The following STAT1 variants were observed in gnomAD, a reference collection of about 807,000 sequenced individuals.
STAT1 encodes the protein signal transducer and activator of transcription 1, also known as signal transducer and activator of transcription 1-alpha/beta.
STAT1 carries 24 observed loss-of-function variants against 111.7 expected under a neutral mutation model. The observed-to-expected ratio is 0.21, with a 90% CI of 0.16 to 0.30. The LOEUF (loss-of-function observed/expected upper bound fraction) is 0.30, where lower values mean the gene tolerates loss of function less well. Ranked by LOEUF, STAT1 falls within the 10% of genes least tolerant of loss-of-function variation. The probability of loss-of-function intolerance (pLI) is 1.00; values close to 1 mark genes in which losing one functional copy is unlikely to be tolerated. For missense variants in STAT1, 351 were observed against 911.9 expected (o/e 0.38, Z 7.92); for synonymous variants, 332 against 326.5 (o/e 1.02, Z -0.18).
Position 190,998,098 on chromosome 2 carries a change from C to T in STAT1, c.634-91G>A. On this transcript the variant is annotated intron_variant, in intron 8 of 24. Coordinates refer to ENST00000361099, the MANE Select transcript of STAT1 (RefSeq NM_007315.4). This position sits in a 1 kb window ranked among gnomAD's most constrained non-coding sequence, Gnocchi z 4.1. ...TTTAAAAGAAAAGCAAATATCATTT[C>T]ATTCTCAACTGGGGCTCTAAGCCAG... The T allele has an allele frequency of 6.4e-7, 1 of 1,568,422 alleles. No homozygotes were observed.
rs2125069950 is a variant in STAT1 at position 190,997,948 on chromosome 2, C to T, written c.693G>A (p.Leu231=). 1 of 1,614,240 alleles carries T rather than the reference C, an allele frequency of 6.2e-7. No individual in the cohort carries two copies. Among genetic ancestry groups the T allele is most frequent in the Admixed American group, 1.7e-5 (1 of 60,032 alleles). ...LNVTELTQNA[L]INDELVEWKR... is the part of the protein sequence containing the mutation. Reference sequence around the variant, plus strand: ...TCCACTCCACTAGTTCATCATTAATCAGGGCATTCTGGGTAAGTTCAGTGA... The same window carrying T: ...TCCACTCCACTAGTTCATCATTAATTAGGGCATTCTGGGTAAGTTCAGTGA... Residue 231 remains leucine (L), a synonymous_variant, in exon 9 of 25, where the codon CTG becomes CTA. Coordinates refer to ENST00000361099, the MANE Select transcript of STAT1 (RefSeq NM_007315.4). This position sits in a 1 kb window ranked among gnomAD's most constrained non-coding sequence, Gnocchi z 7.3.
rs1320290611 is a variant in STAT1, at chr2:190,971,250, C to T, written c.2239-533G>A. On this transcript the variant is annotated intron_variant, in intron 24 of 24. Coordinates refer to ENST00000361099, the MANE Select transcript of STAT1 (RefSeq NM_007315.4). This position sits in a 1 kb window ranked among gnomAD's most constrained non-coding sequence, Gnocchi z 4.1. ...ACCAGGACAACTTATAGTAAGTAAACTGTTCATCCAAAGGATACTAGCCTG... is the reference window on the plus strand; with the variant it reads ...ACCAGGACAACTTATAGTAAGTAAATTGTTCATCCAAAGGATACTAGCCTG... Among the ~76,000 whole-genome samples, 2 of 152,222 alleles carry T rather than the reference C, an allele frequency of 1.3e-5. No individual in the cohort carries two copies. Among genetic ancestry groups the T allele is most frequent in the Non-Finnish European group, 2.9e-5 (2 of 68,036 alleles).
In STAT1 at chr2:190,975,362, G is replaced by T; in HGVS notation, c.2136-430C>A. The T allele has an allele frequency of 2.0e-6, 1 of 489,466 alleles. No homozygotes were observed. The highest frequency in any genetic ancestry group is 4.1e-6 in the Non-Finnish European group (1 of 242,106). The allele number at this position is 489,466 out of a possible 1,614,324, so 30.3% of individuals were successfully genotyped here. A position where few individuals can be genotyped will look rare whatever the true frequency, so the allele number is the denominator to read the frequency against. On this transcript the variant is annotated intron_variant, in intron 23 of 24. Transcript: ENST00000361099. The surrounding 1 kb of genome is among the most constrained non-coding windows in gnomAD (Gnocchi z 5.9). ...CTCCACACAGTGTTTTTACATGAAGGCTACATCCATTCACCCCAAGACAGT... is the reference window on the plus strand; with the variant it reads ...CTCCACACAGTGTTTTTACATGAAGTCTACATCCATTCACCCCAAGACAGT...
chr2:190,970,813 A>G lies in STAT1; in HGVS notation c.2239-96T>C, dbSNP rs1691396618. 1 of 1,219,472 alleles carries G rather than the reference A, an allele frequency of 8.2e-7. No homozygotes were observed. Among genetic ancestry groups the G allele is most frequent in the Non-Finnish European group, 1.2e-6 (1 of 828,198 alleles). The allele number at this position is 1,219,472 out of a possible 1,614,324, so 75.5% of individuals were successfully genotyped here. On this transcript the variant is annotated intron_variant, in intron 24 of 24. Transcript: ENST00000361099. The surrounding 1 kb of genome is among the most constrained non-coding windows in gnomAD (Gnocchi z 5.4). Reference sequence around the variant, plus strand: ...TTGCTTGTCTATTCTAGAATGAAGTAGTAGGAAGATACTTGCAATGGCAAA... The same window carrying G: ...TTGCTTGTCTATTCTAGAATGAAGTGGTAGGAAGATACTTGCAATGGCAAA...
chr2:190,975,389 C>T lies in STAT1; in HGVS notation c.2135+423G>A. 1 of 513,100 alleles carries T rather than the reference C, an allele frequency of 1.9e-6. No individual in the cohort carries two copies. The highest frequency in any genetic ancestry group is 3.8e-6 in the Non-Finnish European group (1 of 263,262). The allele number at this position is 513,100 out of a possible 1,614,324, so 31.8% of individuals were successfully genotyped here. ...TACATCCATTCACCCCAAGACAGTG[C>T]TGCAGGCCAAATAACTGACAATGAC... is the stretch of plus-strand genomic sequence containing the variant. On this transcript the variant is annotated intron_variant, in intron 23 of 24. Transcript: ENST00000361099. The surrounding 1 kb of genome is among the most constrained non-coding windows in gnomAD (Gnocchi z 5.9).
Position 190,976,756 on chromosome 2 carries a change from A to G in STAT1, c.2059+84T>C. 1 of 1,242,362 alleles carries G rather than the reference A, an allele frequency of 8.0e-7. No individual in the cohort carries two copies. The highest frequency in any genetic ancestry group is 1.2e-5 in the South Asian group (1 of 82,140). 77.0% of individuals were successfully genotyped at this position (1,242,362 alleles called of 1,614,324 possible). A position where few individuals can be genotyped will look rare whatever the true frequency, so the allele number is the denominator to read the frequency against. On this transcript the variant is annotated intron_variant, in intron 22 of 24. Transcript: ENST00000361099. This position sits in a 1 kb window ranked among gnomAD's most constrained non-coding sequence, Gnocchi z 6.0. ...ACTCTTACCAATTCGAAAGCAAAACACTGCATGGGTGGAGTTTCAGAATAA... is the reference window on the plus strand; with the variant it reads ...ACTCTTACCAATTCGAAAGCAAAACGCTGCATGGGTGGAGTTTCAGAATAA...
rs970507483 is a variant in STAT1, at chr2:191,004,329, C to T, written c.373-3166G>A. ...TTCGGCTGTCATTGACTCTTACTTT[C>T]TCGTTTCACTACTGTACCTCTAGAG... On this transcript the variant is annotated intron_variant, in intron 5 of 24. Transcript: ENST00000361099. The surrounding 1 kb of genome is among the most constrained non-coding windows in gnomAD (Gnocchi z 5.0). 4.6e-5 allele frequency among the ~76,000 whole-genome samples: 7 copies of T among 152,354 alleles called. No homozygotes were observed. Among genetic ancestry groups the T allele is most frequent in the Non-Finnish European group, 8.8e-5 (6 of 68,038 alleles).
At chr2:191,011,704 C>A (rs996773956) in intron 2 of STAT1, among the ~76,000 whole-genome samples, 1 of 152,146 alleles carries the variant, frequency 6.6e-6, no homozygotes, top group African/African-American at 2.4e-5. Flanking sequence ...AATGAGTGAG[C>A]CTCATGACAT....
intron 10 of STAT1, chr2:190,992,610 T>C: frequency 1.1e-6 from 1 of 936,458 alleles, no homozygotes; most frequent in Non-Finnish European, 1.4e-6. Flanking sequence ...TGCAAATTTA[T>C]TACTGTGAGA....
intron 1 of STAT1, 117 bp from the exon 2 acceptor site, chr2:191,013,795 T>C (rs1338707551): frequency 5.0e-6 from 2 of 396,860 alleles, no homozygotes; most frequent in African/African-American, 4.1e-5. Context: ...TCCTCTTCAC[T>C]GCCAGAGCAC....
chr2:191,013,975 T>C (rs1050276585), intron 1 of STAT1, 43 bp downstream of exon 1: 2 of 265,380 alleles, frequency 7.5e-6, no homozygotes, highest in Non-Finnish European at 1.4e-5. Flanking sequence ...ACTCTGTCCC[T>C]GCGCGTCCCA....
At chr2:190,992,889 G>A (rs920390896) in intron 10 of STAT1, 5 of 271,260 alleles carry the variant, frequency 1.8e-5, no homozygotes, top group African/African-American at 4.6e-5. Flanking sequence ...ACCTGGGTTC[G>A]AGCAATTCTC....
Position 190,976,831 on chromosome 2 carries a change from C to T in STAT1, c.2059+9G>A, listed in dbSNP as rs1402328333. On this transcript the variant is annotated intron_variant, in intron 22 of 24. Coordinates refer to ENST00000361099, the MANE Select transcript of STAT1 (RefSeq NM_007315.4). This position sits in a 1 kb window ranked among gnomAD's most constrained non-coding sequence, Gnocchi z 6.0. ...TGCCACGCTGTTACCACCTGCTTGC[C>T]CCACTTACCTTCCTTTGGCCTGGAG... The T allele has an allele frequency of 1.2e-6, 2 of 1,613,548 alleles. No individual in the cohort carries two copies. The highest frequency in any genetic ancestry group is 2.2e-5 in the South Asian group (2 of 91,056).
intron 10 of STAT1, chr2:190,992,741 A>AG (rs1310593572): frequency 1.1e-6 from 1 of 936,428 alleles, no homozygotes; most frequent in Non-Finnish European, 1.5e-6. Context: ...TTAGCTTCTT[A>AG]ATCTCAGCTG....
In STAT1 at chr2:190,993,483, A is replaced by T; in HGVS notation, c.944+1578T>A. On this transcript the variant is annotated intron_variant, in intron 10 of 24. Transcript: ENST00000361099. This position sits in a 1 kb window ranked among gnomAD's most constrained non-coding sequence, Gnocchi z 4.1. The stretch of plus-strand genomic sequence containing the variant: ...GTATATGTTATCATCTGCAAACCTA[A>T]GAAGGAGGCAAGACTTTCCAACCCC... 9.2e-7 allele frequency: 1 copy of T among 1,088,116 alleles called. No homozygotes were observed. Among genetic ancestry groups the T allele is most frequent in the Non-Finnish European group, 1.4e-6 (1 of 725,588 alleles). The allele number at this position is 1,088,116 out of a possible 1,614,324, so 67.4% of individuals were successfully genotyped here. A position where few individuals can be genotyped will look rare whatever the true frequency, so the allele number is the denominator to read the frequency against.
rs765577625 is a variant in STAT1, at chr2:190,971,632, A to G, written c.2239-915T>C. ...TGGTACATAGTGGGCTCTTAGGAAA[A>G]TTATTTTGGATTGAAAAGCACAGTG... On this transcript the variant is annotated intron_variant, in intron 24 of 24. Coordinates refer to ENST00000361099, the MANE Select transcript of STAT1 (RefSeq NM_007315.4). This position sits in a 1 kb window ranked among gnomAD's most constrained non-coding sequence, Gnocchi z 4.1. 2.6e-5 allele frequency among the ~76,000 whole-genome samples: 4 copies of G among 152,108 alleles called. No individual in the cohort carries two copies. Among genetic ancestry groups the G allele is most frequent in the Non-Finnish European group, 5.9e-5 (4 of 68,038 alleles).
At chr2:190,994,925 AAAAT>A (rs1332609146) in intron 10 of STAT1, 132 bp downstream of exon 10, 3 of 99,560 alleles carry the variant, frequency 3.0e-5, no homozygotes, top group African/African-American at 1.3e-4. Context: ...AAAAAAAAAA[AAAAT>A]ATATATATAT....
chr2:190,994,686 CGAG>C (rs1693679537), intron 10 of STAT1, among the ~76,000 whole-genome samples: 1 of 151,688 alleles, frequency 6.6e-6, no homozygotes, highest in Non-Finnish European at 1.5e-5. Context: ...TTTGGGAGGC[CGAG>C]GAGGGCAGAT....
At position 190,987,843 on chromosome 2, in the gene STAT1, T is replaced by A. The variant is rs1433544190; in HGVS notation, c.1098-775A>T. Among the ~76,000 whole-genome samples the A allele has an allele frequency of 6.6e-6, 1 of 152,098 alleles. No homozygotes were observed. The highest frequency in any genetic ancestry group is 1.5e-5 in the Non-Finnish European group (1 of 68,018). On this transcript the variant is annotated intron_variant, in intron 12 of 24. Coordinates refer to ENST00000361099, the MANE Select transcript of STAT1 (RefSeq NM_007315.4). The surrounding 1 kb of genome is among the most constrained non-coding windows in gnomAD (Gnocchi z 4.0). ...TTTGTGAATGACAATCACCATTAGCTATGGAAGGGACCTATTTTCCCGTTT... is the reference window on the plus strand; with the variant it reads ...TTTGTGAATGACAATCACCATTAGCAATGGAAGGGACCTATTTTCCCGTTT...
Sources: gnomAD v4.1 joint callset for allele counts (sites outside exome capture counted in the v4.1 genomes callset) on GRCh38, gnomAD v4.1.1 for gene constraint, Gnocchi (gnomAD v3.1) non-coding constraint, MANE v1.5 for transcripts, NCBI Gene and HGNC (gene_info 2026-07-23, HGNC 2026-07-21) for gene names.